Variants in TAS1R1 observed in about 807,000 individuals in gnomAD.
TAS1R1 encodes the protein taste 1 receptor member 1, also known as taste receptor type 1 member 1.
TAS1R1 carries 31 observed loss-of-function variants against 45.8 expected under a neutral mutation model. That is an observed-to-expected ratio of 0.68 (90% CI 0.51 to 0.91). The LOEUF is 0.91. Ranked by LOEUF, TAS1R1 falls within the 40% of genes least tolerant of loss-of-function variation. TAS1R1 has a pLI of 0.00. For synonymous variants in TAS1R1, 437 were observed against 448.4 expected (o/e 0.97, Z 0.32); for missense variants, 1,051 against 1,063.9 (o/e 0.99, Z 0.17).
intron 1 of TAS1R1, among the ~76,000 whole-genome samples, chr1:6,560,962 C>T (rs1030250623): frequency 1.7e-5 from 2 of 114,714 alleles, no homozygotes; most frequent in African/African-American, 3.4e-5. Context: ...CCAGCTTGGG[C>T]GACAGAGTCG....
chr1:6,557,586 C>T (rs1217123251), intron 1 of TAS1R1, among the ~76,000 whole-genome samples: 1 of 152,058 alleles, frequency 6.6e-6, no homozygotes, highest in Non-Finnish European at 1.5e-5. Flanking sequence ...CAGGCATGCA[C>T]CACCACTCCT....
chr1:6,568,347 C>G (rs896032236), intron 1 of TAS1R1, among the ~76,000 whole-genome samples: 39 of 151,692 alleles, frequency 2.6e-4, no homozygotes, highest in Non-Finnish European at 5.4e-4. Flanking sequence ...CCCAGCTACT[C>G]CGGAGGCTGA....
chr1:6,567,455 G>A (rs889404724), intron 1 of TAS1R1, among the ~76,000 whole-genome samples: 1 of 152,042 alleles, frequency 6.6e-6, no homozygotes, highest in East Asian at 1.9e-4. Flanking sequence ...AGCTACTTGG[G>A]AGGCTGAGGC....
At chr1:6,558,955 G>A (rs551824209) in intron 1 of TAS1R1, among the ~76,000 whole-genome samples, 8 of 115,250 alleles carry the variant, frequency 6.9e-5, no homozygotes, top group African/African-American at 2.3e-4. Flanking sequence ...GCAGTGGCGC[G>A]ATCTCGGCTC....
intron 1 of TAS1R1, among the ~76,000 whole-genome samples, chr1:6,567,631 GAT>G (rs1251349070): frequency 6.6e-6 from 1 of 151,846 alleles, no homozygotes; most frequent in Non-Finnish European, 1.5e-5. Context: ...CTGCTGCATT[GAT>G]GGCAGTTTGG....
At chr1:6,556,007 G>T (rs1211875471) in intron 1 of TAS1R1, among the ~76,000 whole-genome samples, 4 of 151,186 alleles carry the variant, frequency 2.6e-5, no homozygotes, top group African/African-American at 9.7e-5. Context: ...GAGTAGCTGG[G>T]ACTACAGGCA....
chr1:6,563,201 C>T (rs1570109164), intron 1 of TAS1R1, among the ~76,000 whole-genome samples: 1 of 152,026 alleles, frequency 6.6e-6, no homozygotes, highest in African/African-American at 2.4e-5. Context: ...TAAATTGGGC[C>T]GTTTGGGTGA....
Position 6,579,279 on chromosome 1 carries a change from A to G in TAS1R1, c.2221A>G (p.Ser741Gly). 2 of 1,614,210 alleles carry G rather than the reference A, an allele frequency of 1.2e-6. No homozygotes were observed. Among genetic ancestry groups the G allele is most frequent in the Non-Finnish European group, 1.7e-6 (2 of 1,180,042 alleles). The stretch of plus-strand genomic sequence containing the variant: ...CCTCTACAATGGCCTCCTCTCCATC[A>G]GTGCCTTTGCCTGCAGCTACCTGGG... The part of the protein sequence containing the change: ...AFLYNGLLSI[S>G]AFACSYLGKD... Residue 741 changes from serine to glycine, a missense_variant, in exon 6 of 6, where the codon AGT (serine) becomes GGT (glycine). Ser to Gly is a moderately conservative substitution (Grantham distance 56, BLOSUM62 0). Coordinates refer to ENST00000333172, the MANE Select transcript of TAS1R1 (RefSeq NM_138697.4).
At chr1:6,567,967 C>T (rs926335060) in intron 1 of TAS1R1, among the ~76,000 whole-genome samples, 1 of 152,036 alleles carries the variant, frequency 6.6e-6, no homozygotes, top group Non-Finnish European at 1.5e-5. Context: ...GACGGATAGC[C>T]ACAGCTAGAA....
At position 6,576,950 on chromosome 1, in the gene TAS1R1, G is replaced by C. The variant is rs751267583; in HGVS notation, c.1474G>C (p.Val492Leu). The change falls in exon 5 of 6, where the codon GTG becomes CTG. Residue 492 changes from valine to leucine, a missense_variant and splice_region_variant. By Grantham distance (32) the Val-to-Leu change is conservative (BLOSUM62 1). Coordinates refer to ENST00000333172, the MANE Select transcript of TAS1R1 (RefSeq NM_138697.4). The stretch of plus-strand genomic sequence containing the variant: ...GTGTGGCCCCTCTGGCTTCTTACAG[G>C]TGCCTAAGTCTGTGTGTTCCAGCGA... Reference protein sequence around the residue: ...KIQWHGKDNQVPKSVCSSDCL... With the variant: ...KIQWHGKDNQLPKSVCSSDCL... 4 of 1,614,262 alleles carry C rather than the reference G, an allele frequency of 2.5e-6. 1 individual carries two copies. The South Asian group carries it at 3.3e-5, about 13-fold the overall frequency.
At chr1:6,564,373 G>A (rs968961417) in intron 1 of TAS1R1, among the ~76,000 whole-genome samples, 3 of 152,078 alleles carry the variant, frequency 2.0e-5, no homozygotes, top group African/African-American at 4.8e-5. Flanking sequence ...GAGAGTGTTG[G>A]GAGGTATTCT....
chr1:6,572,031 A>G (rs1340343634), intron 2 of TAS1R1, among the ~76,000 whole-genome samples: 1 of 151,650 alleles, frequency 6.6e-6, no homozygotes, highest in Non-Finnish European at 1.5e-5. Context: ...ATCCTTCCCC[A>G]TGGGTTCCTG....
At chr1:6,575,732 G>T (rs1302178301) in intron 3 of TAS1R1, among the ~76,000 whole-genome samples, 2 of 130,300 alleles carry the variant, frequency 1.5e-5, no homozygotes, top group Admixed American at 1.8e-4. Flanking sequence ...TCGCTCTGTT[G>T]CCCAGGCTGG....
At position 6,579,401 on chromosome 1, in the gene TAS1R1, C is replaced by G; in HGVS notation, c.2343C>G (p.Ser781Arg). Residue 781 changes from serine to arginine, a missense_variant, in exon 6 of 6, where the codon AGC becomes AGG. Ser to Arg is a moderately radical substitution (Grantham distance 110, BLOSUM62 -1). Coordinates refer to ENST00000333172, the MANE Select transcript of TAS1R1 (RefSeq NM_138697.4). The part of the protein sequence containing the change: ...VSWIAFFTTA[S>R]VYDGKYLPAA... Reference sequence around the variant, plus strand: ...GGATCGCCTTCTTCACCACGGCCAGCGTCTACGACGGCAAGTACCTGCCTG... The same window carrying G: ...GGATCGCCTTCTTCACCACGGCCAGGGTCTACGACGGCAAGTACCTGCCTG... 6.2e-7 allele frequency: 1 copy of G among 1,613,856 alleles called. No homozygotes were observed. Among genetic ancestry groups the G allele is most frequent in the Non-Finnish European group, 8.5e-7 (1 of 1,180,044 alleles).
intron 4 of TAS1R1, 124 bp downstream of exon 4, chr1:6,576,751 AC>A: frequency 7.3e-7 from 1 of 1,377,064 alleles, no homozygotes; most frequent in Non-Finnish European, 1.0e-6. Context: ...CCACCACTCT[AC>A]CCATCCTGGC....
At position 6,578,705 on chromosome 1, in the gene TAS1R1, C is replaced by A. The variant is rs1640262647; in HGVS notation, c.1647C>A (p.Ser549Arg). 1 of 1,606,730 alleles carries A rather than the reference C, an allele frequency of 6.2e-7. No individual in the cohort carries two copies. Among genetic ancestry groups the A allele is most frequent in the Non-Finnish European group, 8.5e-7 (1 of 1,175,250 alleles). Residue 549 changes from serine (S) to arginine (R), a missense_variant, in exon 6 of 6, where the codon AGC becomes AGA. Transcript: ENST00000333172. ...AAGAAGAGTGGGCACCTGAGGGAAG[C>A]CAGACCTGCTTCCCGCGCACTGTGG... ...CGKEEWAPEG[S>R]QTCFPRTVVF...
chr1:6,555,866 C>CTTTTTTTTTTTTTTTTTT (rs770363613), intron 1 of TAS1R1, among the ~76,000 whole-genome samples: 3 of 95,304 alleles, frequency 3.1e-5, no homozygotes, highest in Admixed American at 1.5e-4. Flanking sequence ...TTTCCCTCTT[C>CTTTTTTTTTTTTTTTTTT]TTTTTTTTTT....
rs1262346825 is a variant in TAS1R1, at chr1:6,578,111, G to A, written c.1595-542G>A. ...AAAACAGCATTCCCCATCCAGAAAT[G>A]CAAGGTCAAGAACAGAGAGCAAATT... On this transcript the variant is annotated intron_variant, in intron 5 of 5. Transcript: ENST00000333172. Among the ~76,000 whole-genome samples, 3 of 152,192 alleles carry A rather than the reference G, an allele frequency of 2.0e-5. No homozygotes were observed. The East Asian group carries it at 5.8e-4, about 29-fold the overall frequency.
rs1470793747 is a variant in TAS1R1 at position 6,574,817 on chromosome 1, G to T, written c.685G>T (p.Glu229Ter). The T allele has an allele frequency of 1.2e-6, 2 of 1,614,146 alleles. No homozygotes were observed. The highest frequency in any genetic ancestry group is 1.7e-6 in the Non-Finnish European group (2 of 1,180,054). Reference protein sequence around the residue: ...DYGQLGVQALENQATGQGICI... With the variant: ...DYGQLGVQAL ...TGGGCAGCTAGGGGTGCAGGCACTG[G>T]AGAACCAGGCCACTGGTCAGGGGAT... Residue 229 changes from glutamate (E) to a stop codon, truncating the protein, a stop_gained, in exon 3 of 6, where the codon GAG (glutamate) becomes TAG (stop). Transcript: ENST00000333172. LOFTEE classifies it high-confidence loss of function. The surrounding 1 kb of genome is among the most constrained non-coding windows in gnomAD (Gnocchi z 4.3).
Sources: allele counts gnomAD v4.1 joint callset (sites outside exome capture counted in the v4.1 genomes callset), GRCh38; gene constraint gnomAD v4.1.1; non-coding constraint Gnocchi (gnomAD v3.1); transcripts MANE v1.5; gene names NCBI Gene and HGNC (gene_info 2026-07-23, HGNC 2026-07-21).